Variants in MYO3B observed in about 807,000 individuals in gnomAD.
MYO3B encodes myosin IIIB, also known as myosin-IIIb.
A neutral mutation model predicts 174.6 loss-of-function variants in MYO3B; 156 were observed. The observed-to-expected ratio is 0.89, with a 90% CI of 0.78 to 1.02. The LOEUF (loss-of-function observed/expected upper bound fraction) is 1.02, where lower values mean the gene tolerates loss of function less well. MYO3B is among the 50% of genes least tolerant of loss of function. MYO3B has a pLI of 0.00. For missense variants in MYO3B, 1,632 were observed against 1,639.4 expected (o/e 1.00, Z 0.08); for synonymous variants, 563 against 569.1 (o/e 0.99, Z 0.15).
chr2:170,325,995 A>G (rs779095527), intron 7 of MYO3B, among the ~76,000 whole-genome samples: 1 of 152,142 alleles, frequency 6.6e-6, no homozygotes, highest in African/African-American at 2.4e-5. Context: ...AACAATTTTC[A>G]TATAAAACAA....
intron 10 of MYO3B, chr2:170,382,684 C>A: frequency 5.5e-6 from 1 of 183,204 alleles, no homozygotes; most frequent in Non-Finnish European, 1.2e-5. Context: ...GTTTTAAGTG[C>A]AGTGCTTTGA....
At chr2:170,178,419 C>A in intron 1 of MYO3B, 130 bp downstream of exon 1, 1 of 1,148,120 alleles carries the variant, frequency 8.7e-7, no homozygotes, top group African/African-American at 1.5e-5. Flanking sequence ...GGCTTTGGGC[C>A]TCTGTCTGAC....
intron 32 of MYO3B, among the ~76,000 whole-genome samples, chr2:170,580,716 A>ATGTG (rs1220621272): frequency 1.2e-3 from 88 of 74,536 alleles, no homozygotes; most frequent in Admixed American, 2.0e-3. Flanking sequence ...AAAACCTTAT[A>ATGTG]TATGTGTGTG....
intron 32 of MYO3B, among the ~76,000 whole-genome samples, chr2:170,545,019 T>A (rs1313740193): frequency 6.6e-6 from 1 of 152,196 alleles, no homozygotes; most frequent in Non-Finnish European, 1.5e-5. Context: ...AGACAGTCTC[T>A]GTATTTTAAT....
intron 30 of MYO3B, among the ~76,000 whole-genome samples, chr2:170,523,625 G>A (rs1688815885): frequency 6.6e-6 from 1 of 152,186 alleles, no homozygotes; most frequent in South Asian, 2.1e-4. Flanking sequence ...AGCCATTCAG[G>A]AATGTCAGCA....
chr2:170,622,846 G>A (rs2105340384), intron 32 of MYO3B, among the ~76,000 whole-genome samples: 1 of 151,188 alleles, frequency 6.6e-6, no homozygotes. Flanking sequence ...CCTTGTGAGG[G>A]TTTGCTCAGA....
intron 25 of MYO3B, among the ~76,000 whole-genome samples, chr2:170,469,879 G>A (rs951038646): frequency 6.6e-6 from 1 of 152,000 alleles, no homozygotes; most frequent in Non-Finnish European, 1.5e-5. Context: ...GAGGAGGGTG[G>A]ATCACCTGAG....
chr2:170,646,144 G>T (rs1698352421), intron 32 of MYO3B, among the ~76,000 whole-genome samples: 1 of 151,902 alleles, frequency 6.6e-6, no homozygotes, highest in Non-Finnish European at 1.5e-5. Context: ...GGCGGCACAT[G>T]CCTGTAATCC....
At chr2:170,295,864 T>A in intron 7 of MYO3B, among the ~76,000 whole-genome samples, 1 of 152,206 alleles carries the variant, frequency 6.6e-6, no homozygotes, top group South Asian at 2.1e-4. Flanking sequence ...TTTCTCTTGG[T>A]ATGTTGAATA....
chr2:170,456,564 C>G (rs1285313790), intron 23 of MYO3B, among the ~76,000 whole-genome samples: 1 of 152,188 alleles, frequency 6.6e-6, no homozygotes, highest in African/African-American at 2.4e-5. Context: ...TGTACCCCAA[C>G]AGTTTCATTA....
chr2:170,184,347 T>A (rs12464588), intron 1 of MYO3B, among the ~76,000 whole-genome samples: 1 of 151,888 alleles, frequency 6.6e-6, no homozygotes, highest in East Asian at 1.9e-4. Context: ...ACCACTACCC[T>A]TCCCAGCCTC....
intron 30 of MYO3B, among the ~76,000 whole-genome samples, chr2:170,522,119 T>G (rs115843005): frequency 1.3e-5 from 2 of 152,278 alleles, no homozygotes; most frequent in African/African-American, 2.4e-5. Context: ...AAGTCTTAGA[T>G]TCTCTCCTTT....
intron 23 of MYO3B, 71 bp from the exon 24 acceptor site, chr2:170,463,297 A>G (rs1684422151): frequency 1.4e-6 from 2 of 1,404,440 alleles, no homozygotes; most frequent in African/African-American, 2.8e-5. Flanking sequence ...AGGCTTTCGG[A>G]TTTTGGAAGA....
At chr2:170,625,157 G>C (rs145721141) in intron 32 of MYO3B, among the ~76,000 whole-genome samples, 19,379 of 152,158 alleles carry the variant, frequency 0.13, 1,395 homozygotes, top group East Asian at 0.3. Flanking sequence ...GCTCCTCCTT[G>C]TACCTCTGGT....
intron 25 of MYO3B, among the ~76,000 whole-genome samples, chr2:170,478,560 C>CAG (rs2106003150): frequency 1.2e-5 from 1 of 84,300 alleles, no homozygotes; most frequent in East Asian, 4.0e-4. Context: ...CACACACACA[C>CAG]AGGTTTTTTT....
At chr2:170,480,092 A>T (rs1446977556) in intron 25 of MYO3B, among the ~76,000 whole-genome samples, 1 of 151,528 alleles carries the variant, frequency 6.6e-6, no homozygotes, top group Non-Finnish European at 1.5e-5. Flanking sequence ...TTGTTTATTT[A>T]TAGACAGAGA....
chr2:170,381,952 G>C, intron 9 of MYO3B, 64 bp from the exon 10 acceptor site: 1 of 1,365,186 alleles, frequency 7.3e-7, no homozygotes, highest in Non-Finnish European at 1.0e-6. Flanking sequence ...AGCCATGCTT[G>C]CTGCCCGCTT....
At chr2:170,618,723 G>A (rs2105321443) in intron 32 of MYO3B, among the ~76,000 whole-genome samples, 2 of 152,236 alleles carry the variant, frequency 1.3e-5, no homozygotes, top group South Asian at 4.2e-4. Flanking sequence ...TTAAGTGAGG[G>A]TGGGGGTTGG....
At chr2:170,280,593 G>T (rs2093500731) in intron 7 of MYO3B, among the ~76,000 whole-genome samples, 1 of 134,326 alleles carries the variant, frequency 7.4e-6, no homozygotes, top group Admixed American at 7.1e-5. Flanking sequence ...TGTCTTCTGG[G>T]GTTTTTATAG....
Sources: gnomAD v4.1 joint callset for allele counts (sites outside exome capture counted in the v4.1 genomes callset) on GRCh38, gnomAD v4.1.1 for gene constraint, MANE v1.5 for transcripts, NCBI Gene and HGNC (gene_info 2026-07-23, HGNC 2026-07-21) for gene names.